Variants in CRTC3 observed in about 807,000 individuals in gnomAD.
CRTC3 encodes the protein CREB regulated transcription coactivator 3, also known as CREB-regulated transcription coactivator 3.
CRTC3 carries 26 observed loss-of-function variants against 74.5 expected under a neutral mutation model. The observed-to-expected ratio is 0.35, with a 90% CI of 0.26 to 0.48. The LOEUF (loss-of-function observed/expected upper bound fraction) is 0.48, where lower values mean the gene tolerates loss of function less well. CRTC3 is among the 20% of genes least tolerant of loss of function. CRTC3 has a pLI of 0.99. For synonymous variants in CRTC3, 377 were observed against 325.8 expected (o/e 1.16, Z -1.69); for missense variants, 760 against 787.3 (o/e 0.97, Z 0.41).
At chr15:90,551,603 A>C (rs1009804836) in intron 2 of CRTC3, among the ~76,000 whole-genome samples, 5 of 152,086 alleles carry the variant, frequency 3.3e-5, no homozygotes, top group African/African-American at 9.7e-5. Flanking sequence ...TCTAGGTCCC[A>C]GTTTCAGCAC....
intron 2 of CRTC3, among the ~76,000 whole-genome samples, chr15:90,554,282 C>A (rs1966871814): frequency 6.6e-6 from 1 of 151,654 alleles, no homozygotes; most frequent in Admixed American, 6.6e-5. Context: ...TGGCTCACTG[C>A]AACCTCCCTC....
intron 8 of CRTC3, among the ~76,000 whole-genome samples, chr15:90,619,371 C>A (rs749724656): frequency 6.6e-6 from 1 of 152,164 alleles, no homozygotes; most frequent in East Asian, 1.9e-4. Flanking sequence ...GCAGGAGAAT[C>A]GCTTGAACCC....
intron 11 of CRTC3, among the ~76,000 whole-genome samples, chr15:90,632,432 T>C (rs1355849009): frequency 1.3e-5 from 2 of 152,072 alleles, no homozygotes; most frequent in Non-Finnish European, 2.9e-5. Context: ...CCTATCTATC[T>C]CTTAAAAAAA....
chr15:90,532,659 G>GT (rs1966646072), intron 1 of CRTC3, among the ~76,000 whole-genome samples: 1 of 152,182 alleles, frequency 6.6e-6, no homozygotes, highest in Non-Finnish European at 1.5e-5. Context: ...CACCTAGTGG[G>GT]TAGGATAGAC....
chr15:90,604,600 A>G (rs1968168691), intron 5 of CRTC3, 153 bp downstream of exon 5: 2 of 636,928 alleles, frequency 3.1e-6, no homozygotes, highest in East Asian at 2.8e-5. Flanking sequence ...GAGTGTCTAC[A>G]GGGGAAAGTA....
intron 2 of CRTC3, among the ~76,000 whole-genome samples, chr15:90,548,247 G>T (rs915783149): frequency 6.6e-6 from 1 of 152,074 alleles, no homozygotes; most frequent in African/African-American, 2.4e-5. Flanking sequence ...AAAACTAATT[G>T]TACTTTTTAC....
intron 2 of CRTC3, among the ~76,000 whole-genome samples, chr15:90,583,171 C>T (rs946502568): frequency 6.6e-6 from 1 of 152,146 alleles, no homozygotes; most frequent in African/African-American, 2.4e-5. Context: ...ATTATTTTGC[C>T]TGGCCCTCTG....
At chr15:90,635,823 A>C (rs1969214072) in intron 11 of CRTC3, among the ~76,000 whole-genome samples, 1 of 152,170 alleles carries the variant, frequency 6.6e-6, no homozygotes, top group Non-Finnish European at 1.5e-5. Context: ...TCTAAAGAAT[A>C]AAATACCTAG....
At chr15:90,607,601 C>T (rs927567855) in intron 6 of CRTC3, 123 bp downstream of exon 6, 12 of 622,422 alleles carry the variant, frequency 1.9e-5, no homozygotes, top group Non-Finnish European at 2.2e-5. Flanking sequence ...AGAGGCAGCT[C>T]GTGGCAGGGA....
chr15:90,598,334 C>G lies in CRTC3; in HGVS notation c.352-3990C>G, dbSNP rs1464483161. 4 of 674,476 alleles carry G rather than the reference C, an allele frequency of 5.9e-6. No individual in the cohort carries two copies. The East Asian group carries it at 1.1e-4, about 18-fold the overall frequency. The allele number at this position is 674,476 out of a possible 1,614,324, so 41.8% of individuals were successfully genotyped here. ...GGTCTTGTTTTCAGCTTCTGTGGCT[C>G]AGTAACCCCACCCACTGGTAAACTG... is the stretch of plus-strand genomic sequence containing the variant. On this transcript the variant is annotated intron_variant, in intron 3 of 14. Transcript: ENST00000268184.
At position 90,642,308 on chromosome 15, in the gene CRTC3, C is replaced by A; in HGVS notation, c.*168C>A. 3.2e-6 allele frequency: 2 copies of A among 624,262 alleles called. No individual in the cohort carries two copies. Among genetic ancestry groups the A allele is most frequent in the Non-Finnish European group, 5.6e-6 (2 of 355,272 alleles). 38.7% of individuals were successfully genotyped at this position (624,262 alleles called of 1,614,324 possible). On this transcript the variant is annotated 3_prime_UTR_variant, in exon 15 of 15. Transcript: ENST00000268184. ...CCCATCTCAGACACTGTGGCTTCCT[C>A]CAGATCACACAGCTTTGTACTGCCT...
chr15:90,619,983 T>C, intron 9 of CRTC3, 193 bp downstream of exon 9: 1 of 579,274 alleles, frequency 1.7e-6, no homozygotes, highest in South Asian at 2.2e-5. Flanking sequence ...TTAAATTACA[T>C]GACTATAATA....
intron 3 of CRTC3, among the ~76,000 whole-genome samples, chr15:90,596,778 A>G (rs1213341794): frequency 6.6e-6 from 1 of 152,230 alleles, no homozygotes; most frequent in African/African-American, 2.4e-5. Flanking sequence ...ACATTTGTCT[A>G]TGACTTTTTA....
chr15:90,626,895 G>GT (rs1441064746), intron 10 of CRTC3, among the ~76,000 whole-genome samples: 4 of 152,204 alleles, frequency 2.6e-5, no homozygotes, highest in African/African-American at 9.6e-5. Flanking sequence ...GATTACAGGC[G>GT]TGAGCCACCA....
At chr15:90,560,760 G>A (rs1017781440) in intron 2 of CRTC3, among the ~76,000 whole-genome samples, 1 of 152,156 alleles carries the variant, frequency 6.6e-6, no homozygotes, top group Non-Finnish European at 1.5e-5. Flanking sequence ...AACAATAAAA[G>A]TCCTGGAATG....
chr15:90,554,360 G>C (rs1319250779), intron 2 of CRTC3, among the ~76,000 whole-genome samples: 1 of 151,996 alleles, frequency 6.6e-6, no homozygotes, highest in Non-Finnish European at 1.5e-5. Flanking sequence ...GTGCCACCAA[G>C]CCCAGCTAAT....
chr15:90,541,779 A>ATT (rs1225419711), intron 2 of CRTC3, among the ~76,000 whole-genome samples: 3 of 105,196 alleles, frequency 2.9e-5, no homozygotes, highest in Non-Finnish European at 3.8e-5. Context: ...CCTTCCCAGG[A>ATT]TTCTTTTTTT....
At chr15:90,571,838 A>G (rs1967274241) in intron 2 of CRTC3, among the ~76,000 whole-genome samples, 1 of 152,134 alleles carries the variant, frequency 6.6e-6, no homozygotes. Flanking sequence ...CACAAATGGA[A>G]TCATGCTATA....
intron 2 of CRTC3, among the ~76,000 whole-genome samples, chr15:90,587,735 T>C (rs1330028445): frequency 6.6e-6 from 1 of 152,076 alleles, no homozygotes; most frequent in East Asian, 1.9e-4. Context: ...TGCCTCAGCC[T>C]CCCAAGTAGC....
Sources: allele counts gnomAD v4.1 joint callset (sites outside exome capture counted in the v4.1 genomes callset), GRCh38; gene constraint gnomAD v4.1.1; transcripts MANE v1.5; gene names NCBI Gene and HGNC (gene_info 2026-07-23, HGNC 2026-07-21).